The following NBPF11 variants were observed in gnomAD, a reference collection of about 807,000 sequenced individuals.
NBPF11 encodes NBPF member 11.
In NBPF11, 72 loss-of-function variants were observed where a neutral mutation model predicts 93.9. That is an observed-to-expected ratio of 0.77 (90% CI 0.63 to 0.93). The LOEUF is 0.93. Ranked by LOEUF, NBPF11 falls within the 40% of genes least tolerant of loss-of-function variation. NBPF11 has a pLI of 0.00. For synonymous variants in NBPF11, 224 were observed against 304.9 expected, an observed-to-expected ratio of 0.73 and a Z score of 2.76; for missense variants, 705 against 802.2, an observed-to-expected ratio of 0.88 and a Z score of 1.46.
Position 148,115,109 on chromosome 1 carries a change from A to G in NBPF11, c.1586-621T>C, listed in dbSNP as rs1470977704. On this transcript the variant is annotated intron_variant, in intron 14 of 23. Transcript: ENST00000682118. ...GAATCTGGGAGGCAGAGGTTGCACC[A>G]AGTCAAGATGGTGCCACTGCACTCC... 4.1e-5 allele frequency among the ~76,000 whole-genome samples: 5 copies of G among 120,814 alleles called. No individual in the cohort carries two copies. The Admixed American group carries it at 4.6e-4, about 11-fold the overall frequency. The allele number at this position is 120,814 out of a possible 152,430, so 79.3% of individuals were successfully genotyped here. A position where few individuals can be genotyped will look rare whatever the true frequency, so the allele number is the denominator to read the frequency against.
chr1:148,138,524 T>C lies in NBPF11; in HGVS notation c.-276-715A>G, dbSNP rs1222608617. The stretch of plus-strand genomic sequence containing the variant: ...CTGCAGTCTTCCGCAGTGTAGTGTG[T>C]CTCTGGGTACTTGAGATTAGGGAGT... On this transcript the variant is annotated intron_variant, in intron 2 of 23. Coordinates refer to ENST00000682118, the MANE Select transcript of NBPF11 (RefSeq NM_001385469.3). Among the ~76,000 whole-genome samples, 231 of 151,934 alleles carry C rather than the reference T, an allele frequency of 1.5e-3. 3 individuals carry two copies. The highest frequency in any genetic ancestry group is 5.3e-3 in the African/African-American group (219 of 41,238).
chr1:148,113,119 A>G (rs1665696675), intron 15 of NBPF11, among the ~76,000 whole-genome samples: 1 of 152,046 alleles, frequency 6.6e-6, no homozygotes, highest in Non-Finnish European at 1.5e-5. Context: ...ACACATAACC[A>G]TATTAACCTT....
chr1:148,125,533 C>A (rs1486574441), intron 5 of NBPF11, among the ~76,000 whole-genome samples: 3 of 151,940 alleles, frequency 2.0e-5, no homozygotes, highest in Non-Finnish European at 4.4e-5. Flanking sequence ...AGACATAAGA[C>A]AATAAGGCCA....
intron 4 of NBPF11, among the ~76,000 whole-genome samples, chr1:148,127,856 C>T (rs1225758605): frequency 4.6e-5 from 7 of 151,566 alleles, no homozygotes; most frequent in African/African-American, 1.7e-4. Flanking sequence ...CGGGGTTTCA[C>T]TGTGTTAGCC....
chr1:148,117,021 C>A (rs1666727741), intron 12 of NBPF11, among the ~76,000 whole-genome samples: 1 of 152,172 alleles, frequency 6.6e-6, no homozygotes, highest in African/African-American at 2.4e-5. Context: ...CAGTCTGAAG[C>A]ACTTCCTACC....
chr1:148,133,983 C>T (rs1670856788), intron 4 of NBPF11, among the ~76,000 whole-genome samples: 1 of 151,912 alleles, frequency 6.6e-6, no homozygotes, highest in African/African-American at 2.4e-5. Flanking sequence ...TCCCTCCCGC[C>T]TTGTCTCTAG....
intron 2 of NBPF11, among the ~76,000 whole-genome samples, chr1:148,142,532 C>T (rs1479199666): frequency 6.6e-6 from 1 of 151,872 alleles, no homozygotes; most frequent in Admixed American, 6.5e-5. Context: ...CTGGGTCTGA[C>T]ATCGTCCATT....
intron 16 of NBPF11, 142 bp from the exon 17 acceptor site, chr1:148,109,477 G>A: frequency 1.4e-6 from 1 of 724,932 alleles, no homozygotes; most frequent in Non-Finnish European, 2.5e-6. Flanking sequence ...ATTCCAGTAG[G>A]CCTGAGGTCA....
intron 17 of NBPF11, among the ~76,000 whole-genome samples, 194 bp from the exon 18 acceptor site, chr1:148,108,848 C>CACACACACACACAA (rs1664499240): frequency 8.6e-6 from 1 of 116,934 alleles, no homozygotes; most frequent in Non-Finnish European, 1.6e-5. Flanking sequence ...GAAAGACACA[C>CACACACACACACAA]ACACACACAC....
chr1:148,121,485 C>G (rs1211787288), intron 9 of NBPF11, among the ~76,000 whole-genome samples: 8 of 150,836 alleles, frequency 5.3e-5, no homozygotes, highest in African/African-American at 1.7e-4. Flanking sequence ...GTAGCTGGGA[C>G]TACAGGCGCC....
At chr1:148,148,770 C>T (rs1208536757) in intron 1 of NBPF11, among the ~76,000 whole-genome samples, 2 of 152,098 alleles carry the variant, frequency 1.3e-5, no homozygotes, top group East Asian at 1.9e-4. Context: ...CTTTCTAACC[C>T]GGGCAGGAAG....
intron 2 of NBPF11, among the ~76,000 whole-genome samples, chr1:148,141,373 G>A (rs1672141194): frequency 1.3e-5 from 2 of 152,024 alleles, no homozygotes; most frequent in South Asian, 4.1e-4. Flanking sequence ...CATACTAATA[G>A]GGGAAATTGT....
intron 4 of NBPF11, among the ~76,000 whole-genome samples, chr1:148,130,166 G>A (rs1670084635): frequency 6.9e-6 from 1 of 145,480 alleles, no homozygotes; most frequent in Non-Finnish European, 1.5e-5. Context: ...ACATATGTGG[G>A]CATATTGTTT....
chr1:148,120,916 C>T (rs1408023749), intron 9 of NBPF11, among the ~76,000 whole-genome samples: 4 of 152,050 alleles, frequency 2.6e-5, no homozygotes, highest in Non-Finnish European at 5.9e-5. Context: ...AAGACATAAA[C>T]ACTTCTACAC....
At chr1:148,124,786 C>A (rs1286145367) in intron 6 of NBPF11, 113 bp downstream of exon 6, 8 of 985,328 alleles carry the variant, frequency 8.1e-6, no homozygotes, top group South Asian at 1.3e-5. Flanking sequence ...CCTGCCATGG[C>A]AATTTCTGCC....
chr1:148,141,584 A>C (rs1672176443), intron 2 of NBPF11, among the ~76,000 whole-genome samples: 1 of 151,990 alleles, frequency 6.6e-6, no homozygotes, highest in South Asian at 2.1e-4. Context: ...GAGTCAGAGC[A>C]GTTGGAGATT....
intron 1 of NBPF11, among the ~76,000 whole-genome samples, chr1:148,151,397 G>C (rs1269021762): frequency 6.6e-6 from 1 of 152,004 alleles, no homozygotes; most frequent in Non-Finnish European, 1.5e-5. Flanking sequence ...CAAGTTCCCA[G>C]AAAGAACGGC....
At chr1:148,138,819 C>A (rs1286262316) in intron 2 of NBPF11, among the ~76,000 whole-genome samples, 1 of 151,748 alleles carries the variant, frequency 6.6e-6, no homozygotes, top group East Asian at 1.9e-4. Context: ...CAGGTCAGGC[C>A]ATGGCTCATA....
intron 2 of NBPF11, among the ~76,000 whole-genome samples, chr1:148,139,933 C>T (rs1671911750): frequency 6.6e-6 from 1 of 150,698 alleles, no homozygotes; most frequent in Non-Finnish European, 1.5e-5. Flanking sequence ...GGGAATCTTA[C>T]ACATTTCCAA....
Sources: allele counts gnomAD v4.1 joint callset (sites outside exome capture counted in the v4.1 genomes callset), GRCh38; gene constraint gnomAD v4.1.1; transcripts MANE v1.5; gene names NCBI Gene and HGNC (gene_info 2026-07-23, HGNC 2026-07-21).